The following CFAP299 variants were observed in gnomAD, a reference collection of about 807,000 sequenced individuals.
CFAP299 encodes cilia and flagella associated protein 299, also known as cilia- and flagella-associated protein 299.
In CFAP299, 21 loss-of-function variants were observed where a neutral mutation model predicts 27.0. The ratio of observed to expected loss-of-function variants is 0.78; its 90% CI spans 0.55 to 1.12. The LOEUF (loss-of-function observed/expected upper bound fraction) is 1.12, where lower values mean the gene tolerates loss of function less well. Ranked by LOEUF, CFAP299 falls within the 50% of genes most tolerant of loss-of-function variation. The pLI is 0.00. For missense variants in CFAP299, 310 were observed against 276.6 expected (o/e 1.12, Z -0.86); for synonymous variants, 104 against 98.1 (o/e 1.06, Z -0.36).
intron 2 of CFAP299, among the ~76,000 whole-genome samples, chr4:80,452,527 G>A (rs558397547): frequency 6.6e-5 from 10 of 152,116 alleles, no homozygotes; most frequent in South Asian, 4.2e-4. Context: ...TGCTATTTGG[G>A]TAAAGACTTA....
intron 3 of CFAP299, among the ~76,000 whole-genome samples, chr4:80,718,118 G>A (rs968625490): frequency 6.6e-6 from 1 of 151,990 alleles, no homozygotes; most frequent in African/African-American, 2.4e-5. Context: ...TTGTTATTAG[G>A]AATCATCAGT....
intron 3 of CFAP299, among the ~76,000 whole-genome samples, chr4:80,833,461 G>A (rs971642126): frequency 1.3e-5 from 2 of 152,086 alleles, no homozygotes; most frequent in African/African-American, 4.8e-5. Context: ...GGCCCACTGT[G>A]TGCACACAGT....
chr4:80,902,235 C>A (rs1734935952), intron 4 of CFAP299, among the ~76,000 whole-genome samples: 1 of 151,062 alleles, frequency 6.6e-6, no homozygotes, highest in Non-Finnish European at 1.5e-5. Context: ...AAAATAAAGT[C>A]TATCCTGAAC....
At chr4:80,468,617 T>G (rs1010787034) in intron 2 of CFAP299, among the ~76,000 whole-genome samples, 3 of 151,706 alleles carry the variant, frequency 2.0e-5, no homozygotes, top group Non-Finnish European at 4.4e-5. Context: ...GGTGGATCAC[T>G]TGAAGTCAGG....
At chr4:80,666,197 A>G (rs1024249942) in intron 3 of CFAP299, among the ~76,000 whole-genome samples, 1 of 151,908 alleles carries the variant, frequency 6.6e-6, no homozygotes, top group Non-Finnish European at 1.5e-5. Context: ...TCTCCCTCCT[A>G]CCTTAGGCGT....
intron 3 of CFAP299, among the ~76,000 whole-genome samples, chr4:80,788,406 T>G (rs1040960377): frequency 6.6e-6 from 1 of 152,042 alleles, no homozygotes; most frequent in Non-Finnish European, 1.5e-5. Context: ...TAACTAATTT[T>G]ACCTGTCATG....
chr4:80,469,580 G>T (rs1729881531), intron 2 of CFAP299, among the ~76,000 whole-genome samples: 2 of 152,222 alleles, frequency 1.3e-5, no homozygotes, highest in South Asian at 4.2e-4. Flanking sequence ...ATGCCAGGTT[G>T]GGATACTAGC....
intron 2 of CFAP299, among the ~76,000 whole-genome samples, chr4:80,439,673 C>T (rs1728259293): frequency 6.6e-6 from 1 of 152,170 alleles, no homozygotes; most frequent in African/African-American, 2.4e-5. Context: ...CCAGTGGTGC[C>T]TGGAATGCCA....
chr4:80,475,078 G>T (rs897226463), intron 2 of CFAP299, among the ~76,000 whole-genome samples: 6 of 152,150 alleles, frequency 3.9e-5, no homozygotes, highest in Admixed American at 1.3e-4. Flanking sequence ...TTGAAGGGGA[G>T]TAAGTGTGGC....
intron 3 of CFAP299, among the ~76,000 whole-genome samples, chr4:80,737,380 A>T (rs6842763): frequency 0.35 from 52,533 of 152,042 alleles, 11,404 homozygotes; most frequent in African/African-American, 0.61. Flanking sequence ...CTTCTTTAAA[A>T]GTATGGTAGA....
At chr4:80,927,521 C>T (rs1451324389) in intron 4 of CFAP299, among the ~76,000 whole-genome samples, 11 of 152,066 alleles carry the variant, frequency 7.2e-5, no homozygotes. Context: ...TGTCAGAAGT[C>T]CAGAACAGTG....
At chr4:80,855,175 A>C (rs538791206) in intron 3 of CFAP299, among the ~76,000 whole-genome samples, 19 of 152,180 alleles carry the variant, frequency 1.2e-4, no homozygotes, top group African/African-American at 4.3e-4. Context: ...AAATTTAGAA[A>C]ATATAAACAA....
chr4:80,683,660 A>T (rs1719990424), intron 3 of CFAP299, among the ~76,000 whole-genome samples: 1 of 152,182 alleles, frequency 6.6e-6, no homozygotes, highest in African/African-American at 2.4e-5. Flanking sequence ...ACCCTTTGAT[A>T]ATGCTAGTTT....
At chr4:80,961,020 T>C (rs576405804) in intron 5 of CFAP299, among the ~76,000 whole-genome samples, 24 of 151,902 alleles carry the variant, frequency 1.6e-4, no homozygotes, top group Admixed American at 9.9e-4. Context: ...ATTCATTGTA[T>C]AATTCAACTT....
At chr4:80,801,327 G>A (rs1266492945) in intron 3 of CFAP299, among the ~76,000 whole-genome samples, 2 of 151,774 alleles carry the variant, frequency 1.3e-5, no homozygotes, top group African/African-American at 4.8e-5. Flanking sequence ...ATTATGGAAT[G>A]GAATCTATGA....
intron 3 of CFAP299, among the ~76,000 whole-genome samples, chr4:80,599,604 T>G (rs1040888360): frequency 4.6e-5 from 7 of 152,232 alleles, no homozygotes; most frequent in Admixed American, 4.6e-4. Flanking sequence ...ACTTCAAAAT[T>G]GCAGAGGTAT....
chr4:80,881,887 T>C (rs1013590701), intron 4 of CFAP299, among the ~76,000 whole-genome samples: 4 of 152,016 alleles, frequency 2.6e-5, no homozygotes, highest in African/African-American at 9.7e-5. Flanking sequence ...GTATGAGAAA[T>C]TCAATAAGGA....
intron 3 of CFAP299, among the ~76,000 whole-genome samples, chr4:80,828,344 A>G (rs1730102919): frequency 6.6e-6 from 1 of 152,080 alleles, no homozygotes; most frequent in Admixed American, 6.6e-5. Flanking sequence ...AGAAGCAGAC[A>G]TATAGATCAA....
At chr4:80,771,062 C>G (rs1199263346) in intron 3 of CFAP299, among the ~76,000 whole-genome samples, 1 of 152,096 alleles carries the variant, frequency 6.6e-6, no homozygotes, top group Non-Finnish European at 1.5e-5. Flanking sequence ...TCTGTCCACA[C>G]TCAAGGGGAG....
Sources: gnomAD v4.1 joint callset for allele counts (sites outside exome capture counted in the v4.1 genomes callset) on GRCh38, gnomAD v4.1.1 for gene constraint, MANE v1.5 for transcripts, NCBI Gene and HGNC (gene_info 2026-07-23, HGNC 2026-07-21) for gene names.